Variants in PCDH15 observed in about 807,000 individuals in gnomAD.
PCDH15 encodes protocadherin-15.
Under a neutral mutation model 178.5 loss-of-function variants are expected in PCDH15, and 129 were observed. The observed-to-expected ratio is 0.72, with a 90% confidence interval of 0.63 to 0.84. PCDH15 has a LOEUF of 0.84. PCDH15 is among the 40% of genes least tolerant of loss of function. PCDH15 has a pLI of 0.00. For synonymous variants in PCDH15, 800 were observed against 732.0 expected, an observed-to-expected ratio of 1.09 and a Z score of -1.50; for missense variants, 2,230 against 2,099.9, an observed-to-expected ratio of 1.06 and a Z score of -1.21.
intron 7 of PCDH15, among the ~76,000 whole-genome samples, chr10:54,328,343 C>T (rs558195475): frequency 2.6e-5 from 4 of 152,082 alleles, no homozygotes; most frequent in Admixed American, 1.3e-4. Flanking sequence ...ATTTCAAAAA[C>T]GTAAGCTTGT....
At chr10:54,920,428 C>T (rs1441186716) in intron 2 of PCDH15, among the ~76,000 whole-genome samples, 1 of 132,852 alleles carries the variant, frequency 7.5e-6, no homozygotes, top group Non-Finnish European at 1.5e-5. Context: ...GAGATCGCGC[C>T]ACTGCACTCC....
intron 17 of PCDH15, among the ~76,000 whole-genome samples, chr10:54,075,460 A>C (rs2094325065): frequency 6.6e-6 from 1 of 152,074 alleles, no homozygotes; most frequent in Non-Finnish European, 1.5e-5. Context: ...TCCCATTTTT[A>C]TGTTGCTTTT....
intron 2 of PCDH15, among the ~76,000 whole-genome samples, chr10:55,130,680 CGTGTGT>C (rs72055158): frequency 0.27 from 38,858 of 146,048 alleles, 5,135 homozygotes; most frequent in South Asian, 0.33. Flanking sequence ...CACACATACA[CGTGTGT>C]GTGTGTGTGT....
At chr10:54,522,200 T>C (rs1319962460) in intron 3 of PCDH15, among the ~76,000 whole-genome samples, 1 of 151,880 alleles carries the variant, frequency 6.6e-6, no homozygotes, top group Admixed American at 6.6e-5. Flanking sequence ...CATTGAGTGA[T>C]GAAAAAAGAA....
intron 2 of PCDH15, among the ~76,000 whole-genome samples, chr10:55,617,491 T>C (rs1411799814): frequency 6.6e-6 from 1 of 152,040 alleles, no homozygotes; most frequent in African/African-American, 2.4e-5. Context: ...GTAGACCAAT[T>C]AGTATCAGTA....
intron 7 of PCDH15, among the ~76,000 whole-genome samples, chr10:54,327,454 A>G (rs935585772): frequency 1.3e-5 from 2 of 149,312 alleles, no homozygotes; most frequent in Non-Finnish European, 3.0e-5. Context: ...TAATTATAAT[A>G]TATAAAATAA....
At chr10:54,297,165 CA>C (rs1478922273) in intron 8 of PCDH15, among the ~76,000 whole-genome samples, 1 of 151,994 alleles carries the variant, frequency 6.6e-6, no homozygotes, top group Non-Finnish European at 1.5e-5. Flanking sequence ...GGTTCTTGGG[CA>C]GGGGGAGAAA....
chr10:54,096,356 T>C (rs1337001393), intron 15 of PCDH15, among the ~76,000 whole-genome samples: 1 of 152,062 alleles, frequency 6.6e-6, no homozygotes, highest in Admixed American at 6.6e-5. Flanking sequence ...CTTTAATTCT[T>C]ATACCATAAG....
chr10:54,493,308 G>C (rs751511670), intron 3 of PCDH15, among the ~76,000 whole-genome samples: 3 of 149,174 alleles, frequency 2.0e-5, no homozygotes, highest in Non-Finnish European at 4.5e-5. Flanking sequence ...CATTTCTCTG[G>C]GGGTGGGGGC....
intron 32 of PCDH15, among the ~76,000 whole-genome samples, chr10:53,824,531 C>T (rs1440034923): frequency 1.3e-5 from 2 of 152,044 alleles, no homozygotes; most frequent in African/African-American, 4.8e-5. Context: ...AAGATACGAA[C>T]TATAAGAAAG....
At chr10:54,816,151 T>C (rs1952947408) in intron 3 of PCDH15, among the ~76,000 whole-genome samples, 1 of 152,064 alleles carries the variant, frequency 6.6e-6, no homozygotes, top group African/African-American at 2.4e-5. Flanking sequence ...GATCAGATAC[T>C]ATGTAATTCT....
At chr10:54,988,717 A>G (rs1025463030) in intron 2 of PCDH15, among the ~76,000 whole-genome samples, 10 of 152,168 alleles carry the variant, frequency 6.6e-5, no homozygotes, top group African/African-American at 2.4e-4. Context: ...TGTTAAAGGT[A>G]TTCAGTTTTA....
intron 15 of PCDH15, among the ~76,000 whole-genome samples, chr10:54,090,457 A>T (rs1287909261): frequency 6.6e-6 from 1 of 152,122 alleles, no homozygotes; most frequent in African/African-American, 2.4e-5. Context: ...AGCCTGGCCA[A>T]CATGGTGAAA....
chr10:55,173,518 T>A (rs1264516069), intron 1 of PCDH15, among the ~76,000 whole-genome samples: 1 of 152,086 alleles, frequency 6.6e-6, no homozygotes, highest in African/African-American at 2.4e-5. Context: ...CATCGTTTAA[T>A]TTGTAGTTTT....
intron 2 of PCDH15, among the ~76,000 whole-genome samples, chr10:55,567,291 CA>C (rs1388087468): frequency 2.0e-5 from 3 of 151,888 alleles, no homozygotes; most frequent in Admixed American, 2.0e-4. Context: ...AAAATGGATC[CA>C]TGACCTAAAT....
intron 2 of PCDH15, among the ~76,000 whole-genome samples, chr10:55,090,897 T>G (rs1231091794): frequency 1.5e-5 from 2 of 131,918 alleles, no homozygotes; most frequent in Non-Finnish European, 3.1e-5. Flanking sequence ...TTTAACTAAT[T>G]AAAATGTACT....
chr10:54,239,807 T>A lies in PCDH15; in HGVS notation c.877-2876A>T, dbSNP rs573168882. Among the ~76,000 whole-genome samples, 11 of 152,258 alleles carry A rather than the reference T, an allele frequency of 7.2e-5. No homozygotes were observed. The South Asian group carries it at 2.3e-3, about 32-fold the overall frequency. On this transcript the variant is annotated intron_variant, in intron 8 of 37. Coordinates refer to ENST00000644397, the MANE Select transcript of PCDH15 (RefSeq NM_001384140.1). ...CTTATTTTACAATATTTATTTTTCC[T>A]TCTGCTACCATAAATGAAATTGTCA...
chr10:54,344,904 C>CCAAAAAAAAAAAAAA (rs58908008), intron 6 of PCDH15, among the ~76,000 whole-genome samples: 2 of 78,888 alleles, frequency 2.5e-5, no homozygotes, highest in African/African-American at 4.9e-5. Flanking sequence ...AGAAACAAAG[C>CCAAAAAAAAAAAAAA]AAAAAAAAAA....
intron 3 of PCDH15, among the ~76,000 whole-genome samples, chr10:54,815,545 G>A (rs893013256): frequency 2.0e-5 from 3 of 152,108 alleles, no homozygotes; most frequent in Non-Finnish European, 4.4e-5. Context: ...TGCATCAGCA[G>A]TTCATCTCTC....
Sources: allele counts gnomAD v4.1 joint callset (sites outside exome capture counted in the v4.1 genomes callset), GRCh38; gene constraint gnomAD v4.1.1; transcripts MANE v1.5; gene names NCBI Gene and HGNC (gene_info 2026-07-23, HGNC 2026-07-21).